ERBB4: variants seen among roughly 807,000 people sequenced by gnomAD.
The protein encoded by ERBB4 is erb-b2 receptor tyrosine kinase 4.
In ERBB4, 42 loss-of-function variants were observed where a neutral mutation model predicts 158.0. The observed-to-expected ratio is 0.27, with a 90% CI of 0.21 to 0.34. The LOEUF is 0.34. Among genes scored for constraint, ERBB4 ranks in the 10% least tolerant of loss-of-function variants. The pLI is 1.00. For synonymous variants in ERBB4, 583 were observed against 558.7 expected, an observed-to-expected ratio of 1.04 and a Z score of -0.61; for missense variants, 1,333 against 1,624.1, an observed-to-expected ratio of 0.82 and a Z score of 3.08.
intron 1 of ERBB4, among the ~76,000 whole-genome samples, chr2:212,225,763 CCTT>C (rs1381165766): frequency 6.6e-6 from 1 of 151,736 alleles, no homozygotes; most frequent in Non-Finnish European, 1.5e-5. Context: ...CTCACTGCTT[CCTT>C]CTTTCTTTCT....
chr2:211,547,230 A>G (rs1024372277), intron 20 of ERBB4, among the ~76,000 whole-genome samples: 1 of 152,100 alleles, frequency 6.6e-6, no homozygotes, highest in Admixed American at 6.6e-5. Flanking sequence ...CTGTGAATCT[A>G]CAATTATTTC....
At chr2:211,705,495 T>A in intron 9 of ERBB4, 104 bp from the exon 10 acceptor site, 1 of 800,592 alleles carries the variant, frequency 1.2e-6, no homozygotes, top group Non-Finnish European at 2.2e-6. Flanking sequence ...TAATTAGCAG[T>A]AGGGGTGTTA....
At chr2:212,208,890 A>C (rs10932427) in intron 1 of ERBB4, among the ~76,000 whole-genome samples, 138,470 of 152,068 alleles carry the variant, frequency 0.91, 63,226 homozygotes, top group Non-Finnish European at 0.95. Flanking sequence ...AAGGACCTTT[A>C]TTCTTTTTTA....
At chr2:211,709,614 A>G (rs2073614227) in intron 9 of ERBB4, among the ~76,000 whole-genome samples, 1 of 152,056 alleles carries the variant, frequency 6.6e-6, no homozygotes, top group Non-Finnish European at 1.5e-5. Flanking sequence ...GTGATCCTAT[A>G]GTTTACAGCA....
intron 1 of ERBB4, among the ~76,000 whole-genome samples, chr2:212,249,887 T>C (rs1335463427): frequency 6.6e-6 from 1 of 152,000 alleles, no homozygotes; most frequent in East Asian, 1.9e-4. Flanking sequence ...TATATGAATA[T>C]AGTAAAGAAG....
chr2:212,295,273 C>T (rs187279641), intron 1 of ERBB4, among the ~76,000 whole-genome samples: 3 of 151,820 alleles, frequency 2.0e-5, no homozygotes, highest in Admixed American at 2.0e-4. Context: ...CTCAAAGCAC[C>T]CATAAGAAAC....
intron 2 of ERBB4, among the ~76,000 whole-genome samples, chr2:212,082,159 G>A (rs936982689): frequency 1.3e-5 from 2 of 152,148 alleles, no homozygotes; most frequent in African/African-American, 2.4e-5. Context: ...ATCATGTAAG[G>A]AGAATATTTA....
At chr2:211,613,854 C>A (rs934091566) in intron 19 of ERBB4, among the ~76,000 whole-genome samples, 1 of 151,988 alleles carries the variant, frequency 6.6e-6, no homozygotes, top group South Asian at 2.1e-4. Context: ...ATGGAGAACA[C>A]TTTGGAGGTT....
chr2:212,252,318 G>C (rs1187795724), intron 1 of ERBB4, among the ~76,000 whole-genome samples: 2 of 152,066 alleles, frequency 1.3e-5, no homozygotes, highest in Non-Finnish European at 2.9e-5. Flanking sequence ...GAATGAAAGA[G>C]ATTAAGAAGA....
At chr2:212,420,363 T>C (rs1312178535) in intron 1 of ERBB4, among the ~76,000 whole-genome samples, 1 of 152,088 alleles carries the variant, frequency 6.6e-6, no homozygotes, top group African/African-American at 2.4e-5. Context: ...GCCATACAAA[T>C]AAAATTGAAA....
intron 2 of ERBB4, among the ~76,000 whole-genome samples, chr2:211,962,695 T>A (rs2081211164): frequency 6.6e-6 from 1 of 152,176 alleles, no homozygotes; most frequent in Admixed American, 6.6e-5. Context: ...AGGCAGTGAA[T>A]ACAAATTAGA....
chr2:211,447,242 T>TC (rs5838264), intron 20 of ERBB4, among the ~76,000 whole-genome samples: 34,422 of 152,104 alleles, frequency 0.23, 4,140 homozygotes, highest in East Asian at 0.29. Flanking sequence ...TTTAATACTT[T>TC]ATCTTTTATG....
At chr2:212,378,497 G>A (rs2090400327) in intron 1 of ERBB4, among the ~76,000 whole-genome samples, 1 of 151,780 alleles carries the variant, frequency 6.6e-6, no homozygotes, top group Non-Finnish European at 1.5e-5. Context: ...TTGGCCTTTT[G>A]TCTCCAGCAA....
At chr2:211,794,066 T>C (rs1282558080) in intron 3 of ERBB4, among the ~76,000 whole-genome samples, 2 of 151,952 alleles carry the variant, frequency 1.3e-5, no homozygotes, top group South Asian at 2.1e-4. Context: ...CATCAGAGTA[T>C]AGCAATTTCA....
chr2:212,309,345 T>G (rs901933089), intron 1 of ERBB4, among the ~76,000 whole-genome samples: 1 of 150,886 alleles, frequency 6.6e-6, no homozygotes, highest in South Asian at 2.1e-4. Flanking sequence ...GATTAACATA[T>G]TTATCCACCA....
chr2:211,803,815 C>T (rs2076553061), intron 3 of ERBB4, among the ~76,000 whole-genome samples: 2 of 152,146 alleles, frequency 1.3e-5, no homozygotes, highest in Non-Finnish European at 2.9e-5. Context: ...CTGAGATATG[C>T]TCTCATGGAA....
intron 3 of ERBB4, among the ~76,000 whole-genome samples, chr2:211,880,898 T>A (rs1454441799): frequency 6.6e-6 from 1 of 152,166 alleles, no homozygotes; most frequent in South Asian, 2.1e-4. Flanking sequence ...GTGCCCTAAT[T>A]GAAGAGGACC....
At chr2:211,718,172 A>G (rs1229883002) in intron 7 of ERBB4, among the ~76,000 whole-genome samples, 1 of 152,160 alleles carries the variant, frequency 6.6e-6, no homozygotes, top group African/African-American at 2.4e-5. Context: ...TCAGCCTTCC[A>G]AAGTGTTGGG....
At chr2:212,053,575 G>A (rs1278842691) in intron 2 of ERBB4, among the ~76,000 whole-genome samples, 2 of 152,140 alleles carry the variant, frequency 1.3e-5, no homozygotes, top group African/African-American at 4.8e-5. Flanking sequence ...CCATGATTGT[G>A]TGACTTTCCA....
Sources: allele counts gnomAD v4.1 joint callset (sites outside exome capture counted in the v4.1 genomes callset), GRCh38; gene constraint gnomAD v4.1.1; transcripts MANE v1.5; gene names NCBI Gene and HGNC (gene_info 2026-07-23, HGNC 2026-07-21).